ZNF577: variants seen among roughly 807,000 people sequenced by gnomAD.
The protein encoded by ZNF577 is zinc finger protein 577.
Under a neutral mutation model 13.9 loss-of-function variants are expected in ZNF577, and 14 were observed. The observed-to-expected ratio is 1.00, with a 90% CI of 0.66 to 1.57. ZNF577 has a LOEUF of 1.57. Among genes scored for constraint, ZNF577 ranks in the 40% most tolerant of loss-of-function variants. The pLI is 0.00. For missense variants in ZNF577, 555 were observed against 579.2 expected, an observed-to-expected ratio of 0.96 and a Z score of 0.43; for synonymous variants, 203 against 202.9, an observed-to-expected ratio of 1.00 and a Z score of 0.00.
chr19:51,854,268 C>G (rs1205950931), intron 5 of ZNF577, among the ~76,000 whole-genome samples: 1 of 151,988 alleles, frequency 6.6e-6, no homozygotes, highest in East Asian at 1.9e-4. Flanking sequence ...TGGGAAGGAC[C>G]AGGTTTCTGT....
intron 9 of ZNF577, among the ~76,000 whole-genome samples, chr19:51,827,625 C>A (rs1464413916): frequency 6.6e-6 from 1 of 152,210 alleles, no homozygotes; most frequent in African/African-American, 2.4e-5. Context: ...TTCCCATCCT[C>A]ATGTCCACAG....
chr19:51,838,292 G>A (rs8105240), intron 9 of ZNF577, among the ~76,000 whole-genome samples: 1,765 of 152,028 alleles, frequency 0.012, 35 homozygotes, highest in African/African-American at 0.041. Flanking sequence ...AATTTTTAGC[G>A]GGGTGGGAGT....
At chr19:51,863,369 A>G (rs1441812376), downstream of ZNF577, 1 of 152,232 alleles carries the variant, frequency 6.6e-6, no homozygotes, top group Non-Finnish European at 1.5e-5. Context: ...TTCTTTTCCC[A>G]TTTACCATAA....
chr19:51,812,619 T>A (rs1599835543), intron 9 of ZNF577, among the ~76,000 whole-genome samples: 1 of 152,178 alleles, frequency 6.6e-6, no homozygotes, highest in Non-Finnish European at 1.5e-5. Flanking sequence ...TACCTAGGGG[T>A]ACCCTCATAG....
intron 9 of ZNF577, among the ~76,000 whole-genome samples, chr19:51,815,695 C>G (rs1410779391): frequency 2.0e-5 from 3 of 151,374 alleles, no homozygotes; most frequent in Admixed American, 2.0e-4. Flanking sequence ...ATGGCGAAAC[C>G]CTGTTTGTAC....
intron 5 of ZNF577, among the ~76,000 whole-genome samples, chr19:51,847,152 CAT>C (rs2084357100): frequency 6.6e-6 from 1 of 152,152 alleles, no homozygotes; most frequent in Non-Finnish European, 1.5e-5. Context: ...CATGCACACA[CAT>C]AGCATTTATG....
chr19:51,825,055 C>T (rs1297245189), intron 9 of ZNF577: 3 of 442,656 alleles, frequency 6.8e-6, no homozygotes, highest in African/African-American at 2.0e-5. Context: ...GGTTTAAGGG[C>T]TCATTCCCCA....
At chr19:51,840,669 A>G (rs2084315399) in intron 8 of ZNF577, 1 of 152,188 alleles carries the variant, frequency 6.6e-6, no homozygotes, top group Admixed American at 6.5e-5. Flanking sequence ...AATAGATGTA[A>G]AAGTCATGAA....
chr19:51,851,382 C>T, intron 5 of ZNF577, among the ~76,000 whole-genome samples: 1 of 152,026 alleles, frequency 6.6e-6, no homozygotes, highest in East Asian at 1.9e-4. Context: ...TCAAATAGCT[C>T]AGTAGGAAAA....
intron 5 of ZNF577, among the ~76,000 whole-genome samples, chr19:51,850,534 C>T (rs1355015768): frequency 2.0e-5 from 3 of 152,208 alleles, no homozygotes; most frequent in Non-Finnish European, 4.4e-5. Flanking sequence ...CTATGCAGTT[C>T]ATCCCTCTAC....
downstream of ZNF577, among the ~76,000 whole-genome samples, chr19:51,864,932 A>G (rs144947700): frequency 3.6e-3 from 549 of 152,310 alleles, 4 homozygotes; most frequent in African/African-American, 0.013. Flanking sequence ...CGCTCAAACA[A>G]TAAGTACCCA....
chr19:51,838,962 G>A (rs1344621907), intron 9 of ZNF577, among the ~76,000 whole-genome samples: 2 of 152,062 alleles, frequency 1.3e-5, no homozygotes, highest in Admixed American at 1.3e-4. Flanking sequence ...AAGTTAATTA[G>A]ATAATTAAAA....
At chr19:51,880,152 T>C (rs2084838405) in intron 3 of ZNF577, among the ~76,000 whole-genome samples, 171 bp downstream of exon 3, 1 of 152,178 alleles carries the variant, frequency 6.6e-6, no homozygotes, top group Non-Finnish European at 1.5e-5. Flanking sequence ...TTTTGTCCAA[T>C]CCAGTTTTCC....
At chr19:51,809,309 G>A (rs1228167268) in intron 10 of ZNF577, among the ~76,000 whole-genome samples, 2 of 152,170 alleles carry the variant, frequency 1.3e-5, no homozygotes, top group African/African-American at 2.4e-5. Flanking sequence ...CTCCCACTAG[G>A]GATGTAGAAG....
Position 51,869,086 on chromosome 19 carries a change from G to A in ZNF577, c.*3446C>T, listed in dbSNP as rs773787728. Among the ~76,000 whole-genome samples, 29 of 152,264 alleles carry A rather than the reference G, an allele frequency of 1.9e-4. No individual in the cohort carries two copies. Among genetic ancestry groups the A allele is most frequent in the Non-Finnish European group, 5.9e-5 (4 of 68,026 alleles). ...CTGAGACAGCCTGAGATATGGCCTC[G>A]TGGGAAGGGAAAGACCTGACCGTCC... On this transcript the variant is annotated 3_prime_UTR_variant, in exon 6 of 6. Coordinates refer to ENST00000638348, the MANE Select transcript of ZNF577 (RefSeq NM_001370449.1).
intron 10 of ZNF577, among the ~76,000 whole-genome samples, chr19:51,806,003 G>A (rs1218575079): frequency 6.6e-6 from 1 of 152,202 alleles, no homozygotes; most frequent in East Asian, 1.9e-4. Flanking sequence ...GATATAACTG[G>A]CAAGATTTAC....
At chr19:51,876,762 C>CA (rs2084770853) in intron 5 of ZNF577, among the ~76,000 whole-genome samples, 1 of 151,656 alleles carries the variant, frequency 6.6e-6, no homozygotes, top group South Asian at 2.1e-4. Flanking sequence ...CTCGTCTCTA[C>CA]AAAAAATACA....
intron 9 of ZNF577, among the ~76,000 whole-genome samples, chr19:51,838,016 T>C (rs1422434909): frequency 1.3e-5 from 2 of 152,158 alleles, no homozygotes. Flanking sequence ...GATGACACCT[T>C]GGTTTGATTT....
chr19:51,856,290 A>T (rs188674160), intron 5 of ZNF577, among the ~76,000 whole-genome samples: 9 of 152,360 alleles, frequency 5.9e-5, no homozygotes, highest in African/African-American at 2.2e-4. Flanking sequence ...ACCATGGGTT[A>T]TACAGTTGAT....
Sources: gnomAD v4.1 joint callset for allele counts (sites outside exome capture counted in the v4.1 genomes callset) on GRCh38, gnomAD v4.1.1 for gene constraint, MANE v1.5 for transcripts, NCBI Gene and HGNC (gene_info 2026-07-23, HGNC 2026-07-21) for gene names.